WDR36: variants seen among roughly 807,000 people sequenced by gnomAD.
WDR36 encodes WD repeat domain 36.
In WDR36, 63 loss-of-function variants were observed where a neutral mutation model predicts 112.7. The ratio of observed to expected loss-of-function variants is 0.56; its 90% CI spans 0.46 to 0.69. WDR36 has a LOEUF of 0.69. Ranked by LOEUF, WDR36 falls within the 30% of genes least tolerant of loss-of-function variation. WDR36 has a pLI of 0.00. For missense variants in WDR36, 1,226 were observed against 1,070.3 expected, an observed-to-expected ratio of 1.15 and a Z score of -2.03; for synonymous variants, 410 against 362.2, an observed-to-expected ratio of 1.13 and a Z score of -1.50.
chr5:111,097,852 C>A (rs1243264777), intron 3 of WDR36, among the ~76,000 whole-genome samples: 1 of 152,196 alleles, frequency 6.6e-6, no homozygotes, highest in Non-Finnish European at 1.5e-5. Flanking sequence ...GTGGTTCCCA[C>A]AGTCTTTCAT....
At chr5:111,102,942 A>G (rs986924202) in intron 6 of WDR36, among the ~76,000 whole-genome samples, 11 of 151,646 alleles carry the variant, frequency 7.3e-5, no homozygotes, top group Non-Finnish European at 1.3e-4. Flanking sequence ...CTATACCCTT[A>G]TCTTTTTCAG....
At chr5:111,094,166 A>G (rs928317346) in intron 1 of WDR36, among the ~76,000 whole-genome samples, 2 of 152,212 alleles carry the variant, frequency 1.3e-5, no homozygotes, top group Non-Finnish European at 2.9e-5. Context: ...TACAGGGGAA[A>G]CTAGACAAGT....
chr5:111,098,637 A>G (rs1439617627), intron 3 of WDR36, 85 bp from the exon 4 acceptor site: 9 of 919,760 alleles, frequency 9.8e-6, no homozygotes, highest in African/African-American at 4.9e-5. Context: ...GCATCTCAGG[A>G]TTAGCATGTT....
Position 111,111,415 on chromosome 5 carries a change from G to A in WDR36, c.1716+137G>A, listed in dbSNP as rs548905874. On this transcript the variant is annotated intron_variant, in intron 15 of 22. Coordinates refer to ENST00000513710, the MANE Select transcript of WDR36 (RefSeq NM_139281.3). ...CAGGCTATTTTTCAAAGATTTTAAA[G>A]GAAAATTTTGAATTAAAAGTTTAAT... The A allele has an allele frequency of 1.0e-4, 76 of 748,854 alleles. 1 individual carries two copies. In the South Asian group the frequency reaches 1.0e-3, roughly 10 times the overall value. The allele number at this position is 748,854 out of a possible 1,614,324, so 46.4% of individuals were successfully genotyped here.
At chr5:111,122,032 AAG>A (rs1753577597) in intron 19 of WDR36, among the ~76,000 whole-genome samples, 2 of 152,318 alleles carry the variant, frequency 1.3e-5, no homozygotes, top group East Asian at 3.9e-4. Context: ...TGGGTAAGGA[AAG>A]AGAAGTTTTC....
At chr5:111,108,032 A>C (rs568377691) in intron 12 of WDR36, among the ~76,000 whole-genome samples, 1 of 151,388 alleles carries the variant, frequency 6.6e-6, no homozygotes, top group South Asian at 2.1e-4. Flanking sequence ...AAAAGCAGCT[A>C]TGATTTTGAT....
intron 7 of WDR36, 34 bp from the exon 8 acceptor site, chr5:111,104,143 G>C (rs985924958): frequency 1.1e-5 from 17 of 1,576,508 alleles, no homozygotes; most frequent in Non-Finnish European, 1.5e-5. Context: ...GGATCTAGAA[G>C]TATTTTTCTT....
intron 18 of WDR36, 118 bp downstream of exon 18, chr5:111,120,711 A>T: frequency 1.1e-6 from 1 of 896,054 alleles, no homozygotes; most frequent in African/African-American, 1.7e-5. Flanking sequence ...TAACTGATAT[A>T]AAAGACTTTG....
At chr5:111,125,565 A>G (rs1753663654) in intron 21 of WDR36, 43 bp from the exon 22 acceptor site, 1 of 1,572,658 alleles carries the variant, frequency 6.4e-7, no homozygotes, top group African/African-American at 1.4e-5. Flanking sequence ...TTCTAAGTTA[A>G]ATGATTATAA....
At chr5:111,097,254 C>A in intron 3 of WDR36, 75 bp downstream of exon 3, 2 of 1,042,698 alleles carry the variant, frequency 1.9e-6, no homozygotes, top group South Asian at 1.3e-5. Flanking sequence ...TTAATTTTGT[C>A]ATTCTTTACC....
At position 111,103,813 on chromosome 5, in the gene WDR36, G is replaced by A; in HGVS notation, c.625G>A (p.Gly209Ser). 1 of 1,611,074 alleles carries A rather than the reference G, an allele frequency of 6.2e-7. No individual in the cohort carries two copies. Among genetic ancestry groups the A allele is most frequent in the Admixed American group, 1.7e-5 (1 of 59,692 alleles). ...ACCAGCCGTGGATGTTGTTGCTATT[G>A]GTCTTATGTCAGGTCAAGTTATCAT... ...QAPAVDVVAIGLMSGQVIIHN... is the reference protein window; with the variant it reads ...QAPAVDVVAISLMSGQVIIHN... The change falls in exon 7 of 23, where the codon GGT (glycine) becomes AGT (serine). Residue 209 changes from glycine to serine, a missense_variant. Coordinates refer to ENST00000513710, the MANE Select transcript of WDR36 (RefSeq NM_139281.3).
rs35629723 is a variant in WDR36, at chr5:111,092,387, C to T, written c.-70C>T. The T allele has an allele frequency of 4.5e-5, 72 of 1,614,106 alleles. No homozygotes were observed. The highest frequency in any genetic ancestry group is 5.9e-5 in the Non-Finnish European group (70 of 1,180,050). ...TCTGGCAGAGGACTGTTCCACTAGACACGCTGAAGGGACTGGGTACGTGTT... is the reference window on the plus strand; with the variant it reads ...TCTGGCAGAGGACTGTTCCACTAGATACGCTGAAGGGACTGGGTACGTGTT... On this transcript the variant is annotated 5_prime_UTR_variant, in exon 1 of 23. Transcript: ENST00000513710.
In WDR36 at chr5:111,125,618, T is replaced by C. The variant is rs776757178; in HGVS notation, c.2361T>C (p.Ala787=). ...TAAAATTTAATGCAGATGACACTGC[T>C]CTCAACCTTCTGAAAGAATCAGGCC... is the stretch of plus-strand genomic sequence containing the variant. ...EGLVNNKYDT[A]LNLLKESGPS... is the part of the protein sequence containing the mutation. Residue 787 remains alanine (A), a synonymous_variant, in exon 22 of 23, where the codon GCT becomes GCC. Transcript: ENST00000513710. 6.2e-7 allele frequency: 1 copy of C among 1,613,488 alleles called. No homozygotes were observed. The highest frequency in any genetic ancestry group is 8.5e-7 in the Non-Finnish European group (1 of 1,179,676).
intron 15 of WDR36, chr5:111,111,665 T>G (rs1268125081): frequency 1.0e-5 from 2 of 197,398 alleles, no homozygotes; most frequent in Non-Finnish European, 2.1e-5. Flanking sequence ...GAATATCTGG[T>G]ATCTGGTTTA....
chr5:111,121,168 C>A, intron 19 of WDR36, 27 bp downstream of exon 19: 1 of 1,612,240 alleles, frequency 6.2e-7, no homozygotes, highest in African/African-American at 1.3e-5. Flanking sequence ...TTTATAGACC[C>A]TAAGCATGCA....
intron 16 of WDR36, among the ~76,000 whole-genome samples, chr5:111,115,447 A>T (rs1256203948): frequency 2.0e-5 from 3 of 152,152 alleles, no homozygotes; most frequent in Non-Finnish European, 4.4e-5. Flanking sequence ...AAATTAAGTG[A>T]TTTGCCCAAG....
chr5:111,101,998 A>G (rs2112569699), intron 5 of WDR36, among the ~76,000 whole-genome samples: 1 of 151,950 alleles, frequency 6.6e-6, no homozygotes. Context: ...TTTTATTAAA[A>G]TATAAGTTAT....
chr5:111,111,579 A>G, intron 15 of WDR36: 1 of 291,616 alleles, frequency 3.4e-6, no homozygotes, highest in South Asian at 3.6e-5. Flanking sequence ...TTAACTTAAT[A>G]TTAAAATAGG....
rs115742694 is a variant in WDR36, at chr5:111,094,319, A to G, written c.163-601A>G. Among the ~76,000 whole-genome samples the G allele has an allele frequency of 7.6e-3, 1,150 of 152,308 alleles. 11 individuals are homozygous for G. Among genetic ancestry groups the G allele is most frequent in the African/African-American group, 0.027 (1,109 of 41,552 alleles). On this transcript the variant is annotated intron_variant, in intron 1 of 22. Transcript: ENST00000513710. ...AAGTAAATAAATACCTGTTTTACAG[A>G]TGAAGAATTTGAGGCACAGGGAGCT... is the stretch of plus-strand genomic sequence containing the variant.
Sources: allele counts gnomAD v4.1 joint callset (sites outside exome capture counted in the v4.1 genomes callset), GRCh38; gene constraint gnomAD v4.1.1; transcripts MANE v1.5; gene names NCBI Gene and HGNC (gene_info 2026-07-23, HGNC 2026-07-21).